Variants in DAAM1 observed in about 807,000 individuals in gnomAD.
DAAM1 encodes the protein disheveled-associated activator of morphogenesis 1.
Under a neutral mutation model 130.0 loss-of-function variants are expected in DAAM1, and 52 were observed. That is an observed-to-expected ratio of 0.40 (90% confidence interval 0.32 to 0.50). The LOEUF (loss-of-function observed/expected upper bound fraction) is 0.50. Among genes scored for constraint, DAAM1 ranks in the 20% least tolerant of loss-of-function variants. The probability of loss-of-function intolerance (pLI) is 0.61; values close to 1 mark genes in which losing one functional copy is unlikely to be tolerated. For missense variants in DAAM1, 1,134 were observed against 1,303.8 expected (o/e 0.87, Z 2.01); for synonymous variants, 452 against 444.5 (o/e 1.02, Z -0.21).
chr14:59,263,971 A>C, intron 2 of DAAM1: 1 of 423,522 alleles, frequency 2.4e-6, no homozygotes, highest in South Asian at 2.2e-5. Context: ...TCTCCATCCC[A>C]GTCCTTAGTC....
At chr14:59,326,237 G>A in intron 10 of DAAM1, 160 bp downstream of exon 10, 1 of 709,560 alleles carries the variant, frequency 1.4e-6, no homozygotes. Context: ...GGCTTAAAGG[G>A]TGTTACAAAA....
At chr14:59,344,643 A>C (rs1334575449) in intron 16 of DAAM1, among the ~76,000 whole-genome samples, 1 of 152,188 alleles carries the variant, frequency 6.6e-6, no homozygotes, top group Non-Finnish European at 1.5e-5. Flanking sequence ...GATTTTCTTA[A>C]GTGCTAGCCA....
intron 17 of DAAM1, among the ~76,000 whole-genome samples, chr14:59,351,075 A>T (rs1230151861): frequency 7.1e-6 from 1 of 141,546 alleles, no homozygotes. Flanking sequence ...CCCTACCTCC[A>T]GCCTTCTCTT....
At chr14:59,281,454 C>G (rs896366600) in intron 2 of DAAM1, among the ~76,000 whole-genome samples, 5 of 152,018 alleles carry the variant, frequency 3.3e-5, no homozygotes, top group Admixed American at 1.3e-4. Context: ...AGACCTTACT[C>G]TTGTTAATTG....
intron 1 of DAAM1, among the ~76,000 whole-genome samples, chr14:59,236,861 CTT>C (rs1202377888): frequency 1.3e-5 from 2 of 152,100 alleles, no homozygotes; most frequent in African/African-American, 4.8e-5. Context: ...CCAAACTTCT[CTT>C]GTTTCATGTA....
chr14:59,298,599 C>CA (rs1300286765), intron 3 of DAAM1, among the ~76,000 whole-genome samples: 13 of 152,010 alleles, frequency 8.6e-5, no homozygotes. Context: ...CTTTTTATTG[C>CA]AAAAAAGTCA....
At chr14:59,358,798 G>A (rs1886588091) in intron 20 of DAAM1, among the ~76,000 whole-genome samples, 2 of 149,724 alleles carry the variant, frequency 1.3e-5, no homozygotes, top group African/African-American at 5.0e-5. Context: ...AGCTGAGATT[G>A]CACCACTGCA....
At chr14:59,231,334 A>C (rs1170752300) in intron 1 of DAAM1, among the ~76,000 whole-genome samples, 6 of 152,118 alleles carry the variant, frequency 3.9e-5, no homozygotes, top group African/African-American at 1.4e-4. Flanking sequence ...TTTTACTTCA[A>C]ATTTTTCTAA....
intron 4 of DAAM1, among the ~76,000 whole-genome samples, chr14:59,318,381 A>AGCTCTAAG (rs1829349979): frequency 6.6e-6 from 1 of 151,680 alleles, no homozygotes; most frequent in Admixed American, 6.6e-5. Flanking sequence ...TTTGACAGAA[A>AGCTCTAAG]GACCCTCTGC....
chr14:59,353,967 A>G lies in DAAM1; in HGVS notation c.2356+3A>G. 2 of 1,613,444 alleles carry G rather than the reference A, an allele frequency of 1.2e-6. No homozygotes were observed. The highest frequency in any genetic ancestry group is 1.1e-5 in the South Asian group (1 of 90,976). On this transcript the variant is annotated splice_donor_region_variant and intron_variant, in intron 19 of 24. Transcript: ENST00000360909. ...AGAAGTGAAACCTAAAGTGGAAGGT[A>G]AAGTCAAGCTGTCTAGATTGGAAAT... is the stretch of plus-strand genomic sequence containing the variant.
intron 1 of DAAM1, among the ~76,000 whole-genome samples, chr14:59,197,798 T>G (rs1214546239): frequency 6.6e-6 from 1 of 152,212 alleles, no homozygotes; most frequent in African/African-American, 2.4e-5. Flanking sequence ...TCCTTTGGCT[T>G]CTCTGTGGGC....
chr14:59,320,131 A>G (rs2139614076), intron 4 of DAAM1, among the ~76,000 whole-genome samples: 1 of 152,338 alleles, frequency 6.6e-6, no homozygotes, highest in Non-Finnish European at 1.5e-5. Flanking sequence ...ATGGTAGCAT[A>G]GGAGGACTGC....
intron 15 of DAAM1, among the ~76,000 whole-genome samples, chr14:59,338,094 A>C (rs184877250): frequency 1.3e-4 from 20 of 152,242 alleles, no homozygotes; most frequent in Non-Finnish European, 2.4e-4. Flanking sequence ...GGTCTTTCTC[A>C]GGTGTTTTAA....
chr14:59,207,134 G>A (rs915514148), intron 1 of DAAM1, among the ~76,000 whole-genome samples: 2 of 152,178 alleles, frequency 1.3e-5, no homozygotes, highest in Non-Finnish European at 2.9e-5. Context: ...CTATATGTCT[G>A]CCTGTGTATC....
intron 1 of DAAM1, among the ~76,000 whole-genome samples, chr14:59,239,452 A>G (rs1484517792): frequency 6.6e-6 from 1 of 152,134 alleles, no homozygotes; most frequent in African/African-American, 2.4e-5. Context: ...TCAAGAGCAG[A>G]ACACTCAGTT....
intron 17 of DAAM1, among the ~76,000 whole-genome samples, chr14:59,348,265 A>G (rs1416603679): frequency 6.6e-6 from 1 of 152,212 alleles, no homozygotes; most frequent in Non-Finnish European, 1.5e-5. Context: ...GTATCTTGTT[A>G]TAATTTTTAT....
chr14:59,324,946 C>T (rs1399616168), intron 8 of DAAM1, among the ~76,000 whole-genome samples: 46 of 152,168 alleles, frequency 3.0e-4, no homozygotes, highest in Admixed American at 3.0e-3. Context: ...CTAAGCTATC[C>T]CAACTTGCTT....
chr14:59,340,765 A>C (rs1172929463), intron 16 of DAAM1, among the ~76,000 whole-genome samples: 1 of 152,232 alleles, frequency 6.6e-6, no homozygotes, highest in Non-Finnish European at 1.5e-5. Context: ...GAAATTTGGG[A>C]GCCTGGAATC....
At chr14:59,241,276 T>TG (rs1400319220) in intron 1 of DAAM1, among the ~76,000 whole-genome samples, 1 of 152,246 alleles carries the variant, frequency 6.6e-6, no homozygotes, top group African/African-American at 2.4e-5. Flanking sequence ...AGGTCTGGCT[T>TG]GTCTTCTGCA....
Sources: gnomAD v4.1 joint callset for allele counts (sites outside exome capture counted in the v4.1 genomes callset) on GRCh38, gnomAD v4.1.1 for gene constraint, MANE v1.5 for transcripts, NCBI Gene and HGNC (gene_info 2026-07-23, HGNC 2026-07-21) for gene names.